TCEA3: variants seen among roughly 807,000 people sequenced by gnomAD.
The protein encoded by TCEA3 is transcription elongation factor A3.
Under a neutral mutation model 44.0 loss-of-function variants are expected in TCEA3, and 36 were observed. That is an observed-to-expected ratio of 0.82 (90% CI 0.63 to 1.08). The LOEUF (loss-of-function observed/expected upper bound fraction) is 1.08, where lower values mean the gene tolerates loss of function less well. TCEA3 is among the 50% of genes least tolerant of loss of function. The pLI, the probability that TCEA3 is intolerant of heterozygous loss-of-function variation, is 0.00. For synonymous variants in TCEA3, 162 were observed against 159.7 expected (o/e 1.01, Z -0.11); for missense variants, 392 against 441.2 (o/e 0.89, Z 1.00).
In TCEA3 at chr1:23,384,419, TGA is replaced by T; in HGVS notation, c.967-4_967-3del. ...CTCATCAGCACTGCGTGTCTGCACC[TGA>T]GAGAGAGAAGAACCACTCATGAAGT... is the stretch of plus-strand genomic sequence containing the variant. On this transcript the variant is annotated splice_polypyrimidine_tract_variant and splice_region_variant and intron_variant, in intron 9 of 10. Transcript: ENST00000450454. The T allele has an allele frequency of 6.2e-7, 1 of 1,612,344 alleles. No homozygotes were observed. Among genetic ancestry groups the T allele is most frequent in the Non-Finnish European group, 8.5e-7 (1 of 1,179,106 alleles).
At position 23,417,361 on chromosome 1, in the gene TCEA3, C is replaced by G. The variant is rs772341133; in HGVS notation, c.268G>C (p.Gly90Arg). 4.3e-6 allele frequency: 7 copies of G among 1,613,870 alleles called. No individual in the cohort carries two copies. The Admixed American group carries it at 1.0e-4, about 23-fold the overall frequency. Residue 90 changes from glycine to arginine, a missense_variant, in exon 4 of 11, where the codon GGA (glycine) becomes CGA (arginine). Transcript: ENST00000450454. ...TTCTTTGCCTTTTCTCTTTCCTCTC[C>G]TTTTTCTCCTTTTGGGGGTCCAGGG... is the stretch of plus-strand genomic sequence containing the variant. ...DSPGPPKGEK[G>R]EEREKAKKKE... is the part of the protein sequence containing the mutation.
intron 10 of TCEA3, chr1:23,383,904 T>A: frequency 1.0e-6 from 1 of 1,003,436 alleles, no homozygotes; most frequent in Non-Finnish European, 1.2e-6. Context: ...CTGGTGGCAT[T>A]TAGGTTCAAC....
intron 1 of TCEA3, among the ~76,000 whole-genome samples, chr1:23,422,551 A>G (rs922118428): frequency 2.7e-4 from 41 of 152,142 alleles, no homozygotes; most frequent in African/African-American, 8.9e-4. Context: ...CCTCTGCCTA[A>G]CCACTGCTGG....
chr1:23,402,580 T>C (rs1181126638), intron 5 of TCEA3, among the ~76,000 whole-genome samples: 2 of 152,222 alleles, frequency 1.3e-5, no homozygotes, highest in Non-Finnish European at 2.9e-5. Context: ...TCAGCTCGCA[T>C]GAGGGAGGCC....
intron 2 of TCEA3, chr1:23,418,307 A>G (rs1027416085): frequency 2.7e-6 from 1 of 368,380 alleles, no homozygotes; most frequent in Non-Finnish European, 5.1e-6. Context: ...TCCCATTCCC[A>G]ACCCTCTAGT....
chr1:23,386,921 C>G (rs1241969995), intron 9 of TCEA3, among the ~76,000 whole-genome samples: 1 of 152,126 alleles, frequency 6.6e-6, no homozygotes, highest in Admixed American at 6.5e-5. Flanking sequence ...GGGGTTTCAC[C>G]GTGTTTGCCA....
At chr1:23,401,699 G>A (rs1639399720) in intron 5 of TCEA3, among the ~76,000 whole-genome samples, 1 of 152,064 alleles carries the variant, frequency 6.6e-6, no homozygotes, top group Non-Finnish European at 1.5e-5. Context: ...CCGCCAGAGG[G>A]ACTTTTCAAA....
intron 4 of TCEA3, among the ~76,000 whole-genome samples, chr1:23,409,266 C>T (rs985637599): frequency 2.0e-5 from 3 of 151,990 alleles, no homozygotes; most frequent in Admixed American, 6.6e-5. Flanking sequence ...CCTAAAGTCA[C>T]GCAAGAAAAC....
intron 5 of TCEA3, among the ~76,000 whole-genome samples, chr1:23,401,766 C>T (rs1373203594): frequency 6.6e-6 from 1 of 152,142 alleles, no homozygotes; most frequent in Non-Finnish European, 1.5e-5. Context: ...CAGGGGTTCC[C>T]ACCCCCTGGG....
intron 2 of TCEA3, chr1:23,418,311 C>T (rs951652142): frequency 2.9e-6 from 1 of 344,594 alleles, no homozygotes. Context: ...ATTCCCAACC[C>T]TCTAGTGTCT....
chr1:23,394,564 C>T (rs545377906), intron 7 of TCEA3, among the ~76,000 whole-genome samples: 28 of 152,166 alleles, frequency 1.8e-4, no homozygotes, highest in Admixed American at 4.6e-4. Flanking sequence ...TAAGGCTCTA[C>T]GAAGTATTGC....
Position 23,424,656 on chromosome 1 carries a change from G to A in TCEA3, c.-23C>T. The A allele has an allele frequency of 1.3e-6, 2 of 1,597,682 alleles. No individual in the cohort carries two copies. Among genetic ancestry groups the A allele is most frequent in the South Asian group, 1.1e-5 (1 of 90,640 alleles). ...CATGTTGGCCCGCGACGCCCGGCGG[G>A]GCGAGGGGCACAGGGGCAGCAGTAG... On this transcript the variant is annotated 5_prime_UTR_variant, in exon 1 of 11. Transcript: ENST00000450454.
At chr1:23,418,038 C>A (rs776214740) in intron 2 of TCEA3, 29 bp from the exon 3 acceptor site, 1 of 1,606,244 alleles carries the variant, frequency 6.2e-7, no homozygotes, top group South Asian at 1.1e-5. Flanking sequence ...AAGGCATAAT[C>A]TGGGAATGGA....
intron 5 of TCEA3, among the ~76,000 whole-genome samples, chr1:23,408,226 T>C (rs1176140904): frequency 6.6e-6 from 1 of 152,186 alleles, no homozygotes; most frequent in South Asian, 2.1e-4. Flanking sequence ...CCTTCCAAAG[T>C]GCTGGGATTA....
intron 8 of TCEA3, among the ~76,000 whole-genome samples, chr1:23,390,002 A>G (rs1465672973): frequency 6.6e-6 from 1 of 152,198 alleles, no homozygotes; most frequent in Non-Finnish European, 1.5e-5. Flanking sequence ...CATTTACACG[A>G]GATTGCAAGA....
chr1:23,421,058 A>C (rs546714596), intron 1 of TCEA3, among the ~76,000 whole-genome samples: 31 of 152,264 alleles, frequency 2.0e-4, no homozygotes, highest in African/African-American at 7.2e-4. Context: ...CTCCCTGAGA[A>C]CTTGGGTTCA....
chr1:23,403,869 C>G, intron 5 of TCEA3: 1 of 506,990 alleles, frequency 2.0e-6, no homozygotes, highest in Non-Finnish European at 3.6e-6. Context: ...CGGTTAGGAG[C>G]TGGCTGGCTG....
Position 23,381,514 on chromosome 1 carries a change from C to T in TCEA3, c.1039-40G>A, listed in dbSNP as rs773817630. The T allele has an allele frequency of 1.4e-5, 11 of 780,766 alleles. 1 individual carries two copies. Among genetic ancestry groups the T allele is most frequent in the Middle Eastern group, 2.3e-4 (1 of 4,442 alleles). 48.4% of individuals were successfully genotyped at this position (780,766 alleles called of 1,614,324 possible). A position where few individuals can be genotyped will look rare whatever the true frequency, so the allele number is the denominator to read the frequency against. On this transcript the variant is annotated intron_variant, in intron 10 of 10. Transcript: ENST00000450454. ...AGGCAACAAAATTTGAAAGGTTTCT[C>T]GGCATCCTCCAAGGAGGCTGTGGGG...
At position 23,400,373 on chromosome 1, in the gene TCEA3, C is replaced by CTTTTTTTTTTTTTTT. The variant is rs67325313; in HGVS notation, c.444-2433_444-2419dup. On this transcript the variant is annotated intron_variant, in intron 5 of 10. Transcript: ENST00000450454. ...TACAGGCAGATGCCGCCACACCAGGCTTTTTTTTTTTTTTTGTAGAAATGG... is the reference window on the plus strand; with the variant it reads ...TACAGGCAGATGCCGCCACACCAGGCTTTTTTTTTTTTTTTTTTTTTTTTTTTTTTGTAGAAATGG... Among the ~76,000 whole-genome samples the CTTTTTTTTTTTTTTT allele has an allele frequency of 1.5e-3, 200 of 133,372 alleles. 2 individuals carry two copies. The highest frequency in any genetic ancestry group is 5.6e-3 in the African/African-American group (183 of 32,482). The allele number at this position is 133,372 out of a possible 152,430, so 87.5% of individuals were successfully genotyped here.
Sources: gnomAD v4.1 joint callset for allele counts (sites outside exome capture counted in the v4.1 genomes callset) on GRCh38, gnomAD v4.1.1 for gene constraint, MANE v1.5 for transcripts, NCBI Gene and HGNC (gene_info 2026-07-23, HGNC 2026-07-21) for gene names.